The following SLCO1B3 variants were observed in gnomAD, a reference collection of about 807,000 sequenced individuals.
The protein encoded by SLCO1B3 is liver-specific organic anion transporter 2.
A neutral mutation model predicts 71.8 loss-of-function variants in SLCO1B3; 72 were observed. The observed-to-expected ratio is 1.00, with a 90% CI of 0.83 to 1.22. SLCO1B3 has a LOEUF of 1.22. SLCO1B3 is among the 50% of genes most tolerant of loss of function. The probability of loss-of-function intolerance (pLI) is 0.00; values close to 1 mark genes in which losing one functional copy is unlikely to be tolerated. For synonymous variants in SLCO1B3, 298 were observed against 278.4 expected (o/e 1.07, Z -0.70); for missense variants, 911 against 819.7 (o/e 1.11, Z -1.36).
chr12:20,911,552 A>G (rs1866376029), intron 15 of SLCO1B3, among the ~76,000 whole-genome samples: 1 of 152,164 alleles, frequency 6.6e-6, no homozygotes, highest in African/African-American at 2.4e-5. Flanking sequence ...GAATTCGCCC[A>G]TGAACCCATC....
intron 1 of SLCO1B3, among the ~76,000 whole-genome samples, chr12:20,812,305 G>A (rs1864122592): frequency 6.6e-6 from 1 of 152,170 alleles, no homozygotes; most frequent in Non-Finnish European, 1.5e-5. Flanking sequence ...AAAGAGAGAG[G>A]TGTGGAATAG....
chr12:20,879,435 G>T lies in SLCO1B3; in HGVS notation c.1136-1G>T. Reference sequence around the variant, plus strand: ...GCTTTTTTCTCTTCTTTTATTTCTAGGAATCATAACCATTCCTACGGTTGC... The same window carrying T: ...GCTTTTTTCTCTTCTTTTATTTCTATGAATCATAACCATTCCTACGGTTGC... On this transcript the variant is annotated splice_acceptor_variant, in intron 10 of 15. Coordinates refer to ENST00000381545, the MANE Select transcript of SLCO1B3 (RefSeq NM_019844.4). LOFTEE classifies it high-confidence loss of function. The T allele has an allele frequency of 6.4e-7, 1 of 1,566,960 alleles. No homozygotes were observed.
chr12:20,908,002 G>A (rs1253152505), intron 15 of SLCO1B3, among the ~76,000 whole-genome samples: 1 of 152,072 alleles, frequency 6.6e-6, no homozygotes, highest in Non-Finnish European at 1.5e-5. Flanking sequence ...TTGAAATGGT[G>A]ATACTTTAGT....
At chr12:20,913,764 T>C (rs956729373) in intron 15 of SLCO1B3, among the ~76,000 whole-genome samples, 8 of 152,160 alleles carry the variant, frequency 5.3e-5, no homozygotes, top group African/African-American at 1.9e-4. Context: ...CTTATTGTTA[T>C]CTTTTGAGAT....
intron 8 of SLCO1B3, among the ~76,000 whole-genome samples, chr12:20,866,896 G>C (rs905914541): frequency 1.3e-5 from 2 of 152,030 alleles, no homozygotes; most frequent in African/African-American, 2.4e-5. Flanking sequence ...GCCTTGAAGG[G>C]GAAATAGTAA....
At chr12:20,812,272 G>A (rs1460427113) in intron 1 of SLCO1B3, among the ~76,000 whole-genome samples, 1 of 152,098 alleles carries the variant, frequency 6.6e-6, no homozygotes, top group East Asian at 1.9e-4. Context: ...TATTTTTCTG[G>A]ATGGGTATTT....
chr12:20,910,195 A>G (rs1209733285), intron 15 of SLCO1B3, among the ~76,000 whole-genome samples: 1 of 152,192 alleles, frequency 6.6e-6, no homozygotes, highest in African/African-American at 2.4e-5. Flanking sequence ...TTCCAGCACC[A>G]TTTGTTGCAA....
chr12:20,837,484 G>T (rs1368298358), intron 3 of SLCO1B3, among the ~76,000 whole-genome samples: 1 of 151,786 alleles, frequency 6.6e-6, no homozygotes, highest in Non-Finnish European at 1.5e-5. Flanking sequence ...CATTGCTTTT[G>T]CTACCTCCCA....
At chr12:20,860,199 C>T (rs1212969216) in intron 5 of SLCO1B3, among the ~76,000 whole-genome samples, 1 of 152,140 alleles carries the variant, frequency 6.6e-6, no homozygotes, top group East Asian at 1.9e-4. Context: ...TCGTGATCTG[C>T]CCGCCTCCAC....
intron 8 of SLCO1B3, among the ~76,000 whole-genome samples, chr12:20,869,023 G>C (rs763827285): frequency 6.6e-6 from 1 of 152,108 alleles, no homozygotes; most frequent in African/African-American, 2.4e-5. Context: ...GACTAGGAAC[G>C]TGACCACTGA....
intron 3 of SLCO1B3, among the ~76,000 whole-genome samples, 198 bp from the exon 4 acceptor site, chr12:20,854,830 T>C (rs1865099934): frequency 6.6e-6 from 1 of 152,218 alleles, no homozygotes; most frequent in Non-Finnish European, 1.5e-5. Flanking sequence ...GTAACCAAGT[T>C]AGAAAATCAT....
At chr12:20,856,840 G>A (rs530603866) in intron 4 of SLCO1B3, among the ~76,000 whole-genome samples, 7 of 152,266 alleles carry the variant, frequency 4.6e-5, no homozygotes, top group East Asian at 3.9e-4. Flanking sequence ...GATTACAGAC[G>A]TGACCCTCCA....
At chr12:20,907,466 C>T (rs536751488) in intron 15 of SLCO1B3, among the ~76,000 whole-genome samples, 3 of 114,126 alleles carry the variant, frequency 2.6e-5, no homozygotes, top group African/African-American at 6.6e-5. Context: ...CCCCTCCCTT[C>T]CCCTTCCCCT....
chr12:20,880,773 C>G (rs535548472), intron 11 of SLCO1B3, 82 bp from the exon 12 acceptor site: 2 of 896,250 alleles, frequency 2.2e-6, no homozygotes. Context: ...TTCCCCTCTC[C>G]TTATCCCCTT....
intron 13 of SLCO1B3, among the ~76,000 whole-genome samples, chr12:20,891,855 T>C (rs6487172): frequency 0.53 from 80,625 of 151,848 alleles, 24,103 homozygotes; most frequent in South Asian, 0.77. Context: ...CTTCAATACA[T>C]TTTTAATTTT....
chr12:20,855,199 A>G (rs761585355), intron 4 of SLCO1B3, 30 bp downstream of exon 4: 1 of 1,568,512 alleles, frequency 6.4e-7, no homozygotes. Flanking sequence ...TTTGATAACC[A>G]TACTTGCATA....
intron 3 of SLCO1B3, among the ~76,000 whole-genome samples, chr12:20,816,378 A>T (rs1864194180): frequency 6.6e-6 from 1 of 152,076 alleles, no homozygotes; most frequent in African/African-American, 2.4e-5. Context: ...GCCTCTGGTA[A>T]CCATCCTTCT....
At chr12:20,823,427 T>A (rs1382835438) in intron 3 of SLCO1B3, among the ~76,000 whole-genome samples, 1 of 152,148 alleles carries the variant, frequency 6.6e-6, no homozygotes, top group Non-Finnish European at 1.5e-5. Flanking sequence ...TAAAAACTGA[T>A]AAACCTTAGG....
Position 20,904,324 on chromosome 12 carries a change from G to T in SLCO1B3, c.1865+2857G>T, listed in dbSNP as rs138784439. ...CTCTTATTCCAAATGGGAGAAATTG[G>T]CCAAAACAAAGGGGTTACAAGCCCC... On this transcript the variant is annotated intron_variant, in intron 15 of 15. Transcript: ENST00000381545. Among the ~76,000 whole-genome samples, 7 of 152,078 alleles carry T rather than the reference G, an allele frequency of 4.6e-5. No individual in the cohort carries two copies. The East Asian group carries it at 1.2e-3, about 25-fold the overall frequency.
Sources: gnomAD v4.1 joint callset for allele counts (sites outside exome capture counted in the v4.1 genomes callset) on GRCh38, gnomAD v4.1.1 for gene constraint, MANE v1.5 for transcripts, NCBI Gene and HGNC (gene_info 2026-07-23, HGNC 2026-07-21) for gene names.